N4BP2L2: variants seen among roughly 807,000 people sequenced by gnomAD.
The protein encoded by N4BP2L2 is NEDD4 binding protein 2 like 2.
A neutral mutation model predicts 56.2 loss-of-function variants in N4BP2L2; 50 were observed. The ratio of observed to expected loss-of-function variants is 0.89; its 90% CI spans 0.71 to 1.13. The LOEUF (loss-of-function observed/expected upper bound fraction) is 1.13, where lower values mean the gene tolerates loss of function less well. N4BP2L2 is among the 50% of genes most tolerant of loss of function. N4BP2L2 has a pLI of 0.00. For synonymous variants in N4BP2L2, 203 were observed against 223.6 expected (o/e 0.91, Z 0.82); for missense variants, 689 against 693.8 (o/e 0.99, Z 0.08).
chr13:32,524,060 T>C (rs1422570076), intron 3 of N4BP2L2: 2 of 152,234 alleles, frequency 1.3e-5, no homozygotes, highest in African/African-American at 2.4e-5. Flanking sequence ...TATACAGATG[T>C]CTAGGACAGA....
exon 2 of N4BP2L2, chr13:32,536,466 C>T: frequency 6.2e-7 from 1 of 1,612,542 alleles, no homozygotes; most frequent in Non-Finnish European, 8.5e-7. Context: ...TTCTCAAAAC[C>T]ATCTTTTTCC....
At chr13:32,444,700 T>C (rs2076781215) in intron 6 of N4BP2L2, among the ~76,000 whole-genome samples, 1 of 152,250 alleles carries the variant, frequency 6.6e-6, no homozygotes, top group South Asian at 2.1e-4. Context: ...AAAAACCTAA[T>C]ATTTTCCTTA....
intron 6 of N4BP2L2, among the ~76,000 whole-genome samples, chr13:32,448,338 T>C (rs919134971): frequency 1.3e-5 from 2 of 152,206 alleles, no homozygotes; most frequent in Non-Finnish European, 2.9e-5. Flanking sequence ...GTGATCTCAC[T>C]GGTGCTGATT....
rs528809949 is a variant in N4BP2L2, at chr13:32,440,695, T to G, written c.2104+1693A>C. Among the ~76,000 whole-genome samples the G allele has an allele frequency of 3.3e-5, 5 of 152,202 alleles. No homozygotes were observed. The South Asian group carries it at 1.0e-3, about 32-fold the overall frequency. ...CCAGGCTGGTCTCGAACTCCTCACC[T>G]CAGGTGATCCACCTGCCTCAGCCTC... On this transcript the variant is annotated intron_variant, in intron 7 of 9. Coordinates refer to the N4BP2L2 transcript ENST00000357505.
chr13:32,517,832 A>C, exon 6 of N4BP2L2: 1 of 1,613,790 alleles, frequency 6.2e-7, no homozygotes, highest in Non-Finnish European at 8.5e-7. Context: ...AGACACGATT[A>C]TGTGAGCCAA....
intron 2 of N4BP2L2, among the ~76,000 whole-genome samples, chr13:32,533,857 AATAT>A (rs2055734529): frequency 6.6e-6 from 1 of 152,186 alleles, no homozygotes; most frequent in Non-Finnish European, 1.5e-5. Flanking sequence ...CTCACCAAAG[AATAT>A]ATGACTTTAT....
At position 32,436,407 on chromosome 13, in the gene N4BP2L2, T is replaced by C; in HGVS notation, c.2191-2A>G. ...TCAACCAATCTTCTTCTGTCTTTTC[T>C]AGAAATTATAATTAAAATACATAAA... On this transcript the variant is annotated splice_acceptor_variant, in intron 8 of 9. Coordinates refer to the N4BP2L2 transcript ENST00000357505. LOFTEE classifies it high-confidence loss of function. 8.4e-7 allele frequency: 1 copy of C among 1,187,142 alleles called. No homozygotes were observed. Among genetic ancestry groups the C allele is most frequent in the East Asian group, 2.7e-5 (1 of 37,074 alleles). 73.5% of individuals were successfully genotyped at this position (1,187,142 alleles called of 1,614,324 possible).
chr13:32,475,849 T>C (rs921353486), intron 6 of N4BP2L2, among the ~76,000 whole-genome samples: 2 of 152,146 alleles, frequency 1.3e-5, no homozygotes, highest in Middle Eastern at 3.2e-3. Context: ...TGAAAATAAG[T>C]TGAAGACAGA....
chr13:32,488,343 T>C (rs1377485745), intron 6 of N4BP2L2, among the ~76,000 whole-genome samples: 1 of 152,104 alleles, frequency 6.6e-6, no homozygotes, highest in East Asian at 1.9e-4. Flanking sequence ...CACTTATAAA[T>C]GGGAGCTAAA....
exon 6 of N4BP2L2, chr13:32,517,893 C>G: frequency 6.2e-7 from 1 of 1,614,070 alleles, no homozygotes; most frequent in South Asian, 1.1e-5. Context: ...TCTTTGTGTG[C>G]TTTTGTGTGA....
At chr13:32,447,104 T>C (rs950034093) in intron 6 of N4BP2L2, among the ~76,000 whole-genome samples, 1 of 152,224 alleles carries the variant, frequency 6.6e-6, no homozygotes, top group South Asian at 2.1e-4. Flanking sequence ...CACATGTGCA[T>C]AAACAGAAGA....
At chr13:32,518,170 T>C (rs540341605) in intron 5 of N4BP2L2, among the ~76,000 whole-genome samples, 167 bp from the exon 6 acceptor site, 17 of 152,322 alleles carry the variant, frequency 1.1e-4, no homozygotes, top group Non-Finnish European at 2.5e-4. Context: ...AAAACTCAAA[T>C]GTTTTTATCA....
In N4BP2L2 at chr13:32,450,328, AT is replaced by A. The variant is rs1255359138; in HGVS notation, c.366-6203del. Reference sequence around the variant, plus strand: ...GTAAAAAAATTATATATAAAAAGTGATTTTTTTTTTTTTTGAGATGGAGTCT... The same window carrying A: ...GTAAAAAAATTATATATAAAAAGTGATTTTTTTTTTTTTGAGATGGAGTCT... On this transcript the variant is annotated intron_variant, in intron 6 of 9. Transcript: ENST00000357505. 2.7e-3 allele frequency among the ~76,000 whole-genome samples: 389 copies of A among 144,688 alleles called. 1 individual carries two copies. The highest frequency in any genetic ancestry group is 3.7e-3 in the Middle Eastern group (1 of 270). 94.9% of individuals were successfully genotyped at this position (144,688 alleles called of 152,430 possible). A position where few individuals can be genotyped will look rare whatever the true frequency, so the allele number is the denominator to read the frequency against.
exon 6 of N4BP2L2, chr13:32,515,214 T>C (rs1007596995): frequency 1.3e-5 from 2 of 151,804 alleles, no homozygotes; most frequent in African/African-American, 4.8e-5. Context: ...GGAGGATCAC[T>C]TGAGGCCAGG....
chr13:32,521,034 T>C (rs1038632447), intron 5 of N4BP2L2, among the ~76,000 whole-genome samples: 1 of 152,232 alleles, frequency 6.6e-6, no homozygotes, highest in Non-Finnish European at 1.5e-5. Context: ...GTATATGCAC[T>C]ATATTACCTT....
At chr13:32,497,085 G>GTGTC (rs1359234228) in intron 6 of N4BP2L2, among the ~76,000 whole-genome samples, 3 of 152,166 alleles carry the variant, frequency 2.0e-5, no homozygotes, top group African/African-American at 7.2e-5. Context: ...TCAAGAAAAA[G>GTGTC]AGGGGTTTCA....
exon 7 of N4BP2L2, chr13:32,443,367 T>C (rs2076618384): frequency 1.2e-6 from 2 of 1,613,922 alleles, no homozygotes; most frequent in South Asian, 2.2e-5. Flanking sequence ...TATGAGGTCC[T>C]GCAGGCCAGC....
At chr13:32,478,023 C>T (rs1468307540) in intron 6 of N4BP2L2, 2 of 1,289,228 alleles carry the variant, frequency 1.6e-6, no homozygotes, top group African/African-American at 1.5e-5. Flanking sequence ...TGTACCAGAA[C>T]CTCATCCCCA....
At chr13:32,464,389 T>C (rs958820770) in intron 6 of N4BP2L2, among the ~76,000 whole-genome samples, 5 of 152,158 alleles carry the variant, frequency 3.3e-5, no homozygotes, top group African/African-American at 1.2e-4. Context: ...GGGGAAAATA[T>C]GTTTGTGTTT....
Sources: allele counts gnomAD v4.1 joint callset (sites outside exome capture counted in the v4.1 genomes callset), GRCh38; gene constraint gnomAD v4.1.1; transcripts MANE v1.5; gene names NCBI Gene and HGNC (gene_info 2026-07-23, HGNC 2026-07-21).